ZNG1E: variants seen among roughly 807,000 people sequenced by gnomAD.
The protein encoded by ZNG1E is Zn regulated GTPase metalloprotein activator 1E.
the ZNG1E span, among the ~76,000 whole-genome samples, chr9:65,719,234 T>C: frequency 7.1e-6 from 1 of 140,892 alleles, no homozygotes; most frequent in Non-Finnish European, 1.5e-5. Flanking sequence ...TTGGGAAGGA[T>C]TTAATTTGAC....
chr9:65,661,002 T>A, the ZNG1E span, among the ~76,000 whole-genome samples: 1 of 147,344 alleles, frequency 6.8e-6, no homozygotes, highest in African/African-American at 2.6e-5. Flanking sequence ...ATATTCTATC[T>A]AAAGTGGATG....
At chr9:65,665,944 C>T in the ZNG1E span, among the ~76,000 whole-genome samples, 1 of 151,200 alleles carries the variant, frequency 6.6e-6, no homozygotes, top group African/African-American at 2.4e-5. Context: ...CAATGCTGTA[C>T]CCCCATTATA....
the ZNG1E span, among the ~76,000 whole-genome samples, chr9:65,680,893 A>G: frequency 1.3e-5 from 2 of 152,048 alleles, no homozygotes; most frequent in African/African-American, 2.4e-5. Context: ...GGTTCACGCC[A>G]TTCTCCTGCC....
the ZNG1E span, among the ~76,000 whole-genome samples, chr9:65,666,517 CCT>C: frequency 5.4e-4 from 75 of 139,352 alleles, no homozygotes; most frequent in East Asian, 0.012. Context: ...TTCTCCATAC[CCT>C]CTTTGTCTGC....
the ZNG1E span, chr9:65,732,839 T>A: frequency 1.3e-6 from 2 of 1,522,642 alleles, 1 homozygote; most frequent in African/African-American, 2.9e-5. Context: ...TTCTTGTAAT[T>A]CACAAATAAT....
the ZNG1E span, among the ~76,000 whole-genome samples, chr9:65,730,196 GAATT>G: frequency 7.7e-6 from 1 of 130,346 alleles, no homozygotes; most frequent in Non-Finnish European, 1.6e-5. Context: ...AAAAAGGAGT[GAATT>G]AATGGCATTC....
At chr9:65,727,375 G>A in the ZNG1E span, among the ~76,000 whole-genome samples, 1 of 145,412 alleles carries the variant, frequency 6.9e-6, no homozygotes, top group Non-Finnish European at 1.5e-5. Flanking sequence ...CAAATAGCAT[G>A]ATGAATAGAG....
the ZNG1E span, among the ~76,000 whole-genome samples, chr9:65,668,431 T>C: frequency 6.7e-5 from 10 of 149,652 alleles, no homozygotes; most frequent in South Asian, 2.1e-3. Flanking sequence ...TTTTCTACTG[T>C]TTGAATTTTT....
At chr9:65,675,055 A>G in the ZNG1E span, among the ~76,000 whole-genome samples, 7 of 148,702 alleles carry the variant, frequency 4.7e-5, no homozygotes, top group Non-Finnish European at 7.4e-5. Flanking sequence ...CATATTCTCT[A>G]AGTACATACG....
At chr9:65,703,770 G>A in the ZNG1E span, 1 of 970,648 alleles carries the variant, frequency 1.0e-6, no homozygotes, top group Admixed American at 6.9e-5. Context: ...TGTCTGCTAT[G>A]GCAGAGATTA....
chr9:65,688,070 A>G, the ZNG1E span, among the ~76,000 whole-genome samples: 1 of 151,160 alleles, frequency 6.6e-6, no homozygotes, highest in African/African-American at 2.4e-5. Flanking sequence ...TGTGTCTTTT[A>G]CCTTTGCATT....
At chr9:65,686,498 T>C in the ZNG1E span, among the ~76,000 whole-genome samples, 3 of 152,160 alleles carry the variant, frequency 2.0e-5, no homozygotes, top group Non-Finnish European at 4.4e-5. Context: ...TAGCCTGGCT[T>C]GGTGGTGGGA....
chr9:65,715,394 G>C, the ZNG1E span, among the ~76,000 whole-genome samples: 2 of 150,806 alleles, frequency 1.3e-5, no homozygotes, highest in African/African-American at 2.5e-5. Context: ...GACCGGAGCT[G>C]TTCCTATTCG....
At chr9:65,715,054 C>T in the ZNG1E span, among the ~76,000 whole-genome samples, 1 of 149,202 alleles carries the variant, frequency 6.7e-6, no homozygotes, top group Non-Finnish European at 1.5e-5. Context: ...AGCGAGACTC[C>T]GTGGGCGTGG....
chr9:65,679,578 T>C, the ZNG1E span: 1 of 418,224 alleles, frequency 2.4e-6, no homozygotes, highest in Admixed American at 4.3e-5. Context: ...TTTTTTGAGA[T>C]GGAGTCTCTC....
At chr9:65,711,053 C>T in the ZNG1E span, among the ~76,000 whole-genome samples, 3 of 139,702 alleles carry the variant, frequency 2.1e-5, no homozygotes, top group African/African-American at 8.6e-5. Flanking sequence ...TGTAGTTCTC[C>T]TTGAAGAGGT....
At chr9:65,689,794 A>G in the ZNG1E span, among the ~76,000 whole-genome samples, 1 of 147,404 alleles carries the variant, frequency 6.8e-6, no homozygotes. Flanking sequence ...AGTAGATTTA[A>G]TTTTCCCCCT....
the ZNG1E span, among the ~76,000 whole-genome samples, chr9:65,689,391 G>A: frequency 3.3e-5 from 2 of 59,870 alleles, 1 homozygote; most frequent in African/African-American, 1.1e-4. Flanking sequence ...GTTGCCAGTA[G>A]CATTCCCCTA....
At chr9:65,685,200 C>A in the ZNG1E span, among the ~76,000 whole-genome samples, 1 of 152,260 alleles carries the variant, frequency 6.6e-6, no homozygotes. Context: ...AAGTCATAAT[C>A]TTTTTGCTGG....
Sources: allele counts gnomAD v4.1 joint callset (sites outside exome capture counted in the v4.1 genomes callset), GRCh38; gene constraint gnomAD v4.1.1; transcripts MANE v1.5; gene names NCBI Gene and HGNC (gene_info 2026-07-23, HGNC 2026-07-21).